Variants in TMPRSS9 observed in about 807,000 individuals in gnomAD.
The protein encoded by TMPRSS9 is transmembrane protease serine 9.
Under a neutral mutation model 111.4 loss-of-function variants are expected in TMPRSS9, and 113 were observed. The ratio of observed to expected loss-of-function variants is 1.01; its 90% CI spans 0.87 to 1.19. The LOEUF is 1.19. TMPRSS9 is among the 50% of genes most tolerant of loss of function. The pLI is 0.00. For synonymous variants in TMPRSS9, 805 were observed against 659.1 expected, an observed-to-expected ratio of 1.22 and a Z score of -3.39; for missense variants, 1,803 against 1,513.1, an observed-to-expected ratio of 1.19 and a Z score of -3.18.
chr19:2,366,015 G>A (rs1271874822), intron 1 of TMPRSS9, among the ~76,000 whole-genome samples: 3 of 151,836 alleles, frequency 2.0e-5, no homozygotes, highest in Non-Finnish European at 1.5e-5. Context: ...GAGAAGAGAA[G>A]AAATTTAGAA....
rs189172890 is a variant in TMPRSS9 at position 2,419,987 on chromosome 19, C to T, written c.2154+1849C>T. On this transcript the variant is annotated intron_variant, in intron 13 of 17. Transcript: ENST00000648592. ...CAGTCTGGACAACATAGTGAGACCC[C>T]GTCTCTACAAAAATTTAAAAAAAAA... Among the ~76,000 whole-genome samples the T allele has an allele frequency of 1.6e-4, 25 of 152,078 alleles. No homozygotes were observed. In the South Asian group the frequency reaches 4.2e-3, roughly 25 times the overall value.
intron 1 of TMPRSS9, among the ~76,000 whole-genome samples, chr19:2,390,231 G>GTTTTTTTTTTTTTTTTTTTTTTTTTTTT: frequency 9.0e-6 from 1 of 110,570 alleles, no homozygotes; most frequent in Non-Finnish European, 1.9e-5. Context: ...ACCCAAAGTA[G>GTTTTTTTTTTTTTTTTTTTTTTTTTTTT]TTTTTTTTTT....
At chr19:2,424,309 A>G in intron 15 of TMPRSS9, 52 bp downstream of exon 16, 1 of 1,298,106 alleles carries the variant, frequency 7.7e-7, no homozygotes, top group Non-Finnish European at 9.8e-7. Flanking sequence ...GCTCACCCGG[A>G]ACCGAACTGT....
chr19:2,390,444 C>T (rs1376865951), intron 1 of TMPRSS9, among the ~76,000 whole-genome samples: 5 of 149,134 alleles, frequency 3.4e-5, no homozygotes, highest in South Asian at 2.1e-4. Flanking sequence ...GGGGTTTCAC[C>T]GTGTTAGCCA....
chr19:2,365,686 G>T (rs1970243224), intron 1 of TMPRSS9, among the ~76,000 whole-genome samples: 1 of 152,066 alleles, frequency 6.6e-6, no homozygotes, highest in South Asian at 2.1e-4. Context: ...ACCGAGGCTG[G>T]GGGCATGATG....
At chr19:2,391,237 C>CAAAAAAAAAAAAAAAAAAA (rs10650164) in intron 1 of TMPRSS9, among the ~76,000 whole-genome samples, 3 of 53,016 alleles carry the variant, frequency 5.7e-5, no homozygotes, top group African/African-American at 3.3e-4. Flanking sequence ...AATTCCATCT[C>CAAAAAAAAAAAAAAAAAAA]AAAAAAAAAA....
At chr19:2,364,723 C>T (rs546651503) in intron 1 of TMPRSS9, among the ~76,000 whole-genome samples, 8 of 152,108 alleles carry the variant, frequency 5.3e-5, no homozygotes, top group East Asian at 1.9e-4. Flanking sequence ...CGGTGGCTCA[C>T]GCCTGTAATC....
At chr19:2,402,193 GA>G (rs1207201717) in intron 5 of TMPRSS9, among the ~76,000 whole-genome samples, 177 bp downstream of exon 6, 4 of 151,336 alleles carry the variant, frequency 2.6e-5, no homozygotes, top group African/African-American at 2.4e-5. Flanking sequence ...AGGAGTTTGA[GA>G]CCAGGCTGGA....
exon 18 of TMPRSS9, chr19:2,426,003 A>G (rs753887257): frequency 3.5e-5 from 56 of 1,607,222 alleles, no homozygotes; most frequent in Non-Finnish European, 4.3e-5. Context: ...AGCTGGGGCT[A>G]TGGCTGTGGC....
intron 4 of TMPRSS9, among the ~76,000 whole-genome samples, chr19:2,401,653 G>C (rs1970850221): frequency 6.6e-6 from 1 of 151,844 alleles, no homozygotes; most frequent in African/African-American, 2.4e-5. Context: ...TGTCGCCCAG[G>C]CTGGAGTACA....
intron 1 of TMPRSS9, among the ~76,000 whole-genome samples, chr19:2,362,769 A>G (rs1401053023): frequency 6.6e-6 from 1 of 151,558 alleles, no homozygotes; most frequent in Non-Finnish European, 1.5e-5. Context: ...GAGATTGTGT[A>G]TAATTTGTGG....
intron 1 of TMPRSS9, among the ~76,000 whole-genome samples, chr19:2,375,773 AG>A (rs1396740103): frequency 1.3e-5 from 2 of 152,168 alleles, no homozygotes; most frequent in Non-Finnish European, 2.9e-5. Flanking sequence ...CATTGAAGAA[AG>A]GGATGCTGGG....
intron 1 of TMPRSS9, among the ~76,000 whole-genome samples, chr19:2,375,384 CT>C (rs1970323812): frequency 7.0e-6 from 1 of 142,402 alleles, no homozygotes; most frequent in Non-Finnish European, 1.5e-5. Flanking sequence ...CCTGTGATTG[CT>C]AGGTCAGGGT....
intron 9 of TMPRSS9, among the ~76,000 whole-genome samples, chr19:2,412,008 T>C (rs1156290152): frequency 6.6e-6 from 1 of 152,180 alleles, no homozygotes; most frequent in African/African-American, 2.4e-5. Flanking sequence ...ATATTCTATA[T>C]TTGTGGTTAA....
intron 11 of TMPRSS9, 45 bp from the exon 13 acceptor site, chr19:2,416,493 G>C (rs780471176): frequency 1.3e-6 from 2 of 1,570,812 alleles, no homozygotes; most frequent in African/African-American, 2.7e-5. Context: ...AAGAAGGCGG[G>C]CATGTGCTGG....
exon 15 of TMPRSS9, chr19:2,424,216 G>C: frequency 6.9e-7 from 1 of 1,439,518 alleles, no homozygotes; most frequent in South Asian, 1.5e-5. Flanking sequence ...CCGTGCTGGT[G>C]GCAGAGAGGT....
intron 1 of TMPRSS9, among the ~76,000 whole-genome samples, chr19:2,368,247 G>A (rs1970262447): frequency 6.6e-6 from 1 of 151,716 alleles, no homozygotes; most frequent in South Asian, 2.1e-4. Flanking sequence ...TGGGAATTAA[G>A]CAGTTCCAGG....
At chr19:2,403,340 A>C in intron 6 of TMPRSS9, 145 bp downstream of exon 7, 1 of 679,080 alleles carries the variant, frequency 1.5e-6, no homozygotes, top group Non-Finnish European at 2.5e-6. Context: ...AGAAAGGGGC[A>C]CCCATGGTAT....
At position 2,366,149 on chromosome 19, in the gene TMPRSS9, C is replaced by A. The variant is rs761705425; in HGVS notation, c.-26+5789C>A. Reference sequence around the variant, plus strand: ...GTTTTGAGCAACTAGAAAACATTGGCCATTAAAAGCAGAGAGTGAGACCCT... The same window carrying A: ...GTTTTGAGCAACTAGAAAACATTGGACATTAAAAGCAGAGAGTGAGACCCT... On this transcript the variant is annotated intron_variant, in intron 1 of 17. Coordinates refer to the TMPRSS9 transcript ENST00000649857. Among the ~76,000 whole-genome samples, 8 of 152,108 alleles carry A rather than the reference C, an allele frequency of 5.3e-5. No individual in the cohort carries two copies. In the East Asian group the frequency reaches 1.4e-3, roughly 26 times the overall value.
Sources: allele counts gnomAD v4.1 joint callset (sites outside exome capture counted in the v4.1 genomes callset), GRCh38; gene constraint gnomAD v4.1.1; transcripts MANE v1.5; gene names NCBI Gene and HGNC (gene_info 2026-07-23, HGNC 2026-07-21).